TRIO: variants seen among roughly 807,000 people sequenced by gnomAD.
TRIO encodes the protein triple functional domain protein.
TRIO carries 58 observed loss-of-function variants against 351.9 expected under a neutral mutation model. The observed-to-expected ratio is 0.16, with a 90% CI of 0.13 to 0.21. TRIO has a LOEUF of 0.21. Ranked by LOEUF, TRIO falls within the 10% of genes least tolerant of loss-of-function variation. The pLI, the probability that TRIO is intolerant of heterozygous loss-of-function variation, is 1.00. For synonymous variants in TRIO, 1,758 were observed against 1,595.7 expected (o/e 1.10, Z -2.42); for missense variants, 3,201 against 4,027.8 (o/e 0.79, Z 5.56).
chr5:14,184,179 C>T (rs1451076737), intron 1 of TRIO, among the ~76,000 whole-genome samples: 2 of 152,082 alleles, frequency 1.3e-5, no homozygotes, highest in African/African-American at 4.8e-5. Flanking sequence ...CAGAAATCAT[C>T]CTGTGGGGAT....
chr5:14,492,390 A>G, intron 48 of TRIO, 177 bp from the exon 49 acceptor site: 3 of 761,244 alleles, frequency 3.9e-6, no homozygotes, highest in South Asian at 3.9e-5. Context: ...AGTTATTGAA[A>G]TAGATGCACA....
intron 40 of TRIO, among the ~76,000 whole-genome samples, chr5:14,474,461 T>C (rs1754903230): frequency 6.6e-6 from 1 of 151,984 alleles, no homozygotes; most frequent in Non-Finnish European, 1.5e-5. Flanking sequence ...TGTGGGTTTT[T>C]TGTGAAGAGT....
At chr5:14,490,910 A>T in intron 48 of TRIO, 1 of 454,220 alleles carries the variant, frequency 2.2e-6, no homozygotes. Context: ...ACTAAAGTCC[A>T]TGCTAAAAGT....
chr5:14,490,048 A>C (rs555058778), intron 48 of TRIO, among the ~76,000 whole-genome samples: 20 of 152,318 alleles, frequency 1.3e-4, no homozygotes, highest in African/African-American at 4.1e-4. Flanking sequence ...GGAGGCCGAG[A>C]CGGGCAGATC....
In TRIO at chr5:14,198,683, C is replaced by T. The variant is rs139410725; in HGVS notation, c.157+54801C>T. Among the ~76,000 whole-genome samples the T allele has an allele frequency of 2.2e-4, 34 of 152,248 alleles. No homozygotes were observed. The East Asian group carries it at 3.7e-3, about 16-fold the overall frequency. On this transcript the variant is annotated intron_variant, in intron 1 of 56. Transcript: ENST00000344204. ...GACTGGGCTCTGTAAACCTGAGCCT[C>T]ATTCTTAGAACCTCTTGAGCCCCTT...
intron 41 of TRIO, 132 bp from the exon 42 acceptor site, chr5:14,479,129 C>T (rs887821599): frequency 3.6e-5 from 26 of 730,686 alleles, no homozygotes; most frequent in South Asian, 7.9e-5. Context: ...AATTTACTCC[C>T]GAGAGCCTTA....
intron 1 of TRIO, among the ~76,000 whole-genome samples, chr5:14,185,680 T>C (rs370039935): frequency 1.3e-5 from 2 of 152,346 alleles, no homozygotes; most frequent in East Asian, 1.9e-4. Flanking sequence ...GAAAAAAGGC[T>C]AAGTTGCTAG....
At chr5:14,435,057 G>A (rs574637299) in intron 34 of TRIO, among the ~76,000 whole-genome samples, 1 of 152,300 alleles carries the variant, frequency 6.6e-6, no homozygotes, top group South Asian at 2.1e-4. Context: ...TCTCCCTGTC[G>A]GTGTGTGGAC....
intron 20 of TRIO, among the ~76,000 whole-genome samples, chr5:14,380,437 C>A (rs968353446): frequency 6.6e-6 from 1 of 152,188 alleles, no homozygotes; most frequent in African/African-American, 2.4e-5. Flanking sequence ...CATCCCGCTT[C>A]CCACTGCTGC....
chr5:14,282,209 TAGTTTAGA>T (rs1490114282), intron 3 of TRIO, among the ~76,000 whole-genome samples: 19 of 152,228 alleles, frequency 1.2e-4, no homozygotes, highest in Non-Finnish European at 2.6e-4. Context: ...AGTTGGAAAG[TAGTTTAGA>T]AGTTATTTAT....
intron 34 of TRIO, among the ~76,000 whole-genome samples, chr5:14,433,247 C>T (rs1023675399): frequency 3.3e-5 from 5 of 152,214 alleles, no homozygotes; most frequent in African/African-American, 1.2e-4. Flanking sequence ...TTGGCACCCA[C>T]ATGAAGAGTT....
In TRIO at chr5:14,497,485, C is replaced by T. The variant is rs142352082; in HGVS notation, c.8020-362C>T. Among the ~76,000 whole-genome samples, 84 of 152,184 alleles carry T rather than the reference C, an allele frequency of 5.5e-4. No homozygotes were observed. Among genetic ancestry groups the T allele is most frequent in the African/African-American group, 1.9e-3 (80 of 41,522 alleles). On this transcript the variant is annotated intron_variant, in intron 50 of 56. Coordinates refer to ENST00000344204, the MANE Select transcript of TRIO (RefSeq NM_007118.4). The surrounding 1 kb of genome is among the most constrained non-coding windows in gnomAD (Gnocchi z 4.4). ...CTATAATCGGATTGCCTGACACCTG[C>T]GGTGGGGGTTGCCTGGAGAAAAAGA... is the stretch of plus-strand genomic sequence containing the variant.
chr5:14,243,963 C>T (rs1794284523), intron 1 of TRIO, among the ~76,000 whole-genome samples: 1 of 152,230 alleles, frequency 6.6e-6, no homozygotes, highest in Admixed American at 6.5e-5. Flanking sequence ...AAGGGCTCCT[C>T]TTAGGGAGGA....
chr5:14,301,115 G>A (rs1737838799), intron 7 of TRIO, among the ~76,000 whole-genome samples: 1 of 152,146 alleles, frequency 6.6e-6, no homozygotes, highest in African/African-American at 2.4e-5. Context: ...ACAGGGAGTA[G>A]TAGAGTAAAT....
intron 1 of TRIO, among the ~76,000 whole-genome samples, chr5:14,195,555 C>T (rs1387414335): frequency 1.3e-5 from 2 of 152,202 alleles, no homozygotes; most frequent in East Asian, 3.8e-4. Context: ...TTCCTCATCA[C>T]ACTTTTACCC....
intron 1 of TRIO, among the ~76,000 whole-genome samples, chr5:14,162,325 T>C (rs1788512992): frequency 6.6e-6 from 1 of 152,200 alleles, no homozygotes. Context: ...ATAGAGATAT[T>C]GTGTAGTGTT....
At chr5:14,315,111 C>A (rs1581599353) in intron 8 of TRIO, among the ~76,000 whole-genome samples, 1 of 152,172 alleles carries the variant, frequency 6.6e-6, no homozygotes, top group Non-Finnish European at 1.5e-5. Context: ...TCTGCAGGGT[C>A]ACTTGCCACC....
chr5:14,291,597 T>C (rs1276059733), intron 5 of TRIO, among the ~76,000 whole-genome samples: 1 of 151,856 alleles, frequency 6.6e-6, no homozygotes, highest in East Asian at 1.9e-4. Context: ...GAGACCAGTC[T>C]GGCCAACATA....
chr5:14,388,669 A>C lies in TRIO; in HGVS notation c.3938A>C (p.Glu1313Ala). ...AAGGCTTATGTAAGAGACCTCCGGG[A>C]ATGTATGGATGTAAGTAAGTTTTTT... ...TEKAYVRDLR[E>A]CMDTYLWEMT... The change falls in exon 24 of 57, where the codon GAA (glutamate) becomes GCA (alanine). Residue 1313 changes from glutamate to alanine, a missense_variant. Coordinates refer to ENST00000344204, the MANE Select transcript of TRIO (RefSeq NM_007118.4). The C allele has an allele frequency of 6.2e-7, 1 of 1,606,868 alleles. No individual in the cohort carries two copies. The highest frequency in any genetic ancestry group is 8.5e-7 in the Non-Finnish European group (1 of 1,175,426).
Sources: gnomAD v4.1 joint callset for allele counts (sites outside exome capture counted in the v4.1 genomes callset) on GRCh38, gnomAD v4.1.1 for gene constraint, Gnocchi (gnomAD v3.1) non-coding constraint, MANE v1.5 for transcripts, NCBI Gene and HGNC (gene_info 2026-07-23, HGNC 2026-07-21) for gene names.